Variants in FGGY observed in about 807,000 individuals in gnomAD.
FGGY encodes FGGY carbohydrate kinase domain-containing protein.
Under a neutral mutation model 71.3 loss-of-function variants are expected in FGGY, and 72 were observed. That is an observed-to-expected ratio of 1.01 (90% CI 0.84 to 1.23). FGGY has a LOEUF of 1.23. Among genes scored for constraint, FGGY ranks in the 50% most tolerant of loss-of-function variants. FGGY has a pLI of 0.00. For synonymous variants in FGGY, 251 were observed against 250.3 expected, an observed-to-expected ratio of 1.00 and a Z score of -0.02; for missense variants, 668 against 682.3, an observed-to-expected ratio of 0.98 and a Z score of 0.23.
At chr1:59,327,974 G>A (rs1378355062) in intron 2 of FGGY, among the ~76,000 whole-genome samples, 2 of 152,184 alleles carry the variant, frequency 1.3e-5, no homozygotes, top group South Asian at 2.1e-4. Context: ...CTGTCATCCA[G>A]GCTTTGTTGT....
rs569029019 is a variant in FGGY, at chr1:59,713,917, C to A, written c.1512+39784C>A. On this transcript the variant is annotated intron_variant, in intron 14 of 15. Coordinates refer to ENST00000303721, the MANE Select transcript of FGGY (RefSeq NM_018291.5). ...GGAAGTCTAAAACATCTGGTAGAAT[C>A]TTTCAGAAGAAGCAACACAGAATAG... is the stretch of plus-strand genomic sequence containing the variant. 1.8e-4 allele frequency among the ~76,000 whole-genome samples: 27 copies of A among 152,162 alleles called. 1 individual carries two copies. The highest frequency in any genetic ancestry group is 2.4e-4 in the Non-Finnish European group (16 of 68,022).
chr1:59,574,958 G>A (rs2096054312), intron 8 of FGGY, among the ~76,000 whole-genome samples: 1 of 152,026 alleles, frequency 6.6e-6, no homozygotes, highest in South Asian at 2.1e-4. Flanking sequence ...TTTTTAAAAA[G>A]TGTATGTTAA....
intron 4 of FGGY, among the ~76,000 whole-genome samples, chr1:59,375,850 T>G (rs2058574210): frequency 6.6e-6 from 1 of 152,076 alleles, no homozygotes; most frequent in African/African-American, 2.4e-5. Context: ...ATATAATGTC[T>G]TTAATGACCA....
At chr1:59,730,753 A>T (rs952884148) in intron 14 of FGGY, among the ~76,000 whole-genome samples, 2 of 152,336 alleles carry the variant, frequency 1.3e-5, no homozygotes, top group African/African-American at 4.8e-5. Context: ...AGGGAGGTAG[A>T]GGTAAAGCAT....
chr1:59,434,162 T>C (rs1446560733), intron 5 of FGGY, among the ~76,000 whole-genome samples: 2 of 152,240 alleles, frequency 1.3e-5, no homozygotes, highest in African/African-American at 2.4e-5. Flanking sequence ...CCAAGAAAAC[T>C]CTACAGTATC....
At chr1:59,324,055 A>T (rs1022085507) in intron 2 of FGGY, among the ~76,000 whole-genome samples, 3 of 152,094 alleles carry the variant, frequency 2.0e-5, no homozygotes, top group African/African-American at 7.2e-5. Context: ...GGACTCCAGG[A>T]AGTTGAGAGC....
chr1:59,511,595 C>T (rs1447665598), intron 6 of FGGY, among the ~76,000 whole-genome samples: 1 of 152,082 alleles, frequency 6.6e-6, no homozygotes, highest in African/African-American at 2.4e-5. Context: ...CCCCACAGCA[C>T]CCACACAAAG....
chr1:59,444,711 A>T (rs1158883873), intron 5 of FGGY, among the ~76,000 whole-genome samples: 1 of 152,132 alleles, frequency 6.6e-6, no homozygotes, highest in Non-Finnish European at 1.5e-5. Flanking sequence ...TGAACTGCGC[A>T]TGCAAGGGAT....
intron 5 of FGGY, among the ~76,000 whole-genome samples, chr1:59,451,582 AG>A (rs1412135280): frequency 6.6e-6 from 1 of 152,112 alleles, no homozygotes; most frequent in Non-Finnish European, 1.5e-5. Context: ...AGAGTGAGAA[AG>A]GGTCTCAGTG....
chr1:59,480,632 GCA>G (rs2093435109), intron 6 of FGGY, among the ~76,000 whole-genome samples: 1 of 152,188 alleles, frequency 6.6e-6, no homozygotes, highest in African/African-American at 2.4e-5. Context: ...CACTAGGTAA[GCA>G]ACCTGGAGTC....
At chr1:59,590,034 T>C (rs12753197) in intron 8 of FGGY, among the ~76,000 whole-genome samples, 18,512 of 151,264 alleles carry the variant, frequency 0.12, 1,295 homozygotes, top group South Asian at 0.3. Flanking sequence ...AATTGATAGA[T>C]CGCTAGCAAG....
rs200936273 is a variant in FGGY at position 59,554,227 on chromosome 1, G to T, written c.903G>T (p.Gly301=). The stretch of plus-strand genomic sequence containing the variant: ...GTGGAACGTCTTCTTGTCACATGGG[G>T]GTGAGTCCACTGAGCACAAAGGCAA... The part of the protein sequence containing the change: ...VICGTSSCHM[G]ISKDPIFVPG... The change falls in exon 8 of 16, where the codon GGG becomes GGT. Residue 301 remains glycine (G), a splice_region_variant and synonymous_variant. Transcript: ENST00000303721. 142 of 1,612,034 alleles carry T rather than the reference G, an allele frequency of 8.8e-5. No individual in the cohort carries two copies. The highest frequency in any genetic ancestry group is 1.2e-4 in the Non-Finnish European group (137 of 1,178,706).
intron 6 of FGGY, among the ~76,000 whole-genome samples, chr1:59,479,244 A>T (rs1177326936): frequency 6.6e-6 from 1 of 152,204 alleles, no homozygotes; most frequent in Admixed American, 6.5e-5. Flanking sequence ...GAAAGTTTAG[A>T]TAACTCAAGA....
intron 5 of FGGY, among the ~76,000 whole-genome samples, chr1:59,397,383 CA>C (rs1461511564): frequency 3.9e-5 from 6 of 152,146 alleles, no homozygotes; most frequent in Non-Finnish European, 4.4e-5. Context: ...GTTCAGATAA[CA>C]AACAACATAG....
chr1:59,704,464 T>G (rs1002618000), intron 14 of FGGY, among the ~76,000 whole-genome samples: 2 of 152,160 alleles, frequency 1.3e-5, no homozygotes, highest in Non-Finnish European at 2.9e-5. Context: ...GTCTTACATT[T>G]TTTATGTATT....
chr1:59,655,748 A>G (rs1412051618), intron 11 of FGGY, among the ~76,000 whole-genome samples: 3 of 152,214 alleles, frequency 2.0e-5, no homozygotes, highest in Non-Finnish European at 4.4e-5. Context: ...AGTACAGCTT[A>G]CTGAAAAAAG....
rs750598824 is a variant in FGGY, at chr1:59,660,249, G to A, written c.1252G>A (p.Asp418Asn). Residue 418 changes from aspartate (D) to asparagine (N), a missense_variant, in exon 12 of 16, where the codon GAT (aspartate) becomes AAT (asparagine). By Grantham distance (23) the Asp-to-Asn change is conservative. Transcript: ENST00000303721. The stretch of plus-strand genomic sequence containing the variant: ...CGGATTGAAACTGTCTCAGGACCTT[G>A]ATGATCTTGCCATTCTCTACCTGGC... The part of the protein sequence containing the change: ...VTGLKLSQDL[D>N]DLAILYLATV... 4 of 1,613,392 alleles carry A rather than the reference G, an allele frequency of 2.5e-6. No individual in the cohort carries two copies. The highest frequency in any genetic ancestry group is 1.3e-5 in the African/African-American group (1 of 74,898).
At chr1:59,717,725 G>A (rs1435453752) in intron 14 of FGGY, among the ~76,000 whole-genome samples, 1 of 152,192 alleles carries the variant, frequency 6.6e-6, no homozygotes, top group African/African-American at 2.4e-5. Context: ...TCAAGTCCTA[G>A]TCTCACGGCT....
chr1:59,538,260 C>G (rs1037127125), intron 7 of FGGY, among the ~76,000 whole-genome samples: 16 of 151,866 alleles, frequency 1.1e-4, no homozygotes, highest in African/African-American at 3.9e-4. Context: ...CCATCACTGG[C>G]CATCAGAGAA....
Sources: allele counts gnomAD v4.1 joint callset (sites outside exome capture counted in the v4.1 genomes callset), GRCh38; gene constraint gnomAD v4.1.1; transcripts MANE v1.5; gene names NCBI Gene and HGNC (gene_info 2026-07-23, HGNC 2026-07-21).